SLC15A4: variants seen among roughly 807,000 people sequenced by gnomAD.
SLC15A4 encodes solute carrier family 15 member 4.
Under a neutral mutation model 46.1 loss-of-function variants are expected in SLC15A4, and 26 were observed. That is an observed-to-expected ratio of 0.56 (90% CI 0.41 to 0.78). The LOEUF (loss-of-function observed/expected upper bound fraction) is 0.78. SLC15A4 is among the 30% of genes least tolerant of loss of function. SLC15A4 has a pLI of 0.00. For missense variants in SLC15A4, 751 were observed against 755.7 expected, an observed-to-expected ratio of 0.99 and a Z score of 0.07; for synonymous variants, 370 against 333.4, an observed-to-expected ratio of 1.11 and a Z score of -1.20.
At chr12:128,795,940 C>T (rs1427044223) in intron 7 of SLC15A4, among the ~76,000 whole-genome samples, 5 of 152,220 alleles carry the variant, frequency 3.3e-5, no homozygotes, top group Non-Finnish European at 7.3e-5. Flanking sequence ...ACGAGGGGAG[C>T]GAGTGCTCTG....
At chr12:128,817,590 C>A (rs1490495726) in intron 1 of SLC15A4, among the ~76,000 whole-genome samples, 1 of 152,152 alleles carries the variant, frequency 6.6e-6, no homozygotes, top group Non-Finnish European at 1.5e-5. Flanking sequence ...ACATATCTTC[C>A]CACAGTCTCA....
At position 128,801,925 on chromosome 12, in the gene SLC15A4, A is replaced by G. The variant is rs148128888; in HGVS notation, c.1259-916T>C. 2.8e-4 allele frequency among the ~76,000 whole-genome samples: 43 copies of G among 152,360 alleles called. No individual in the cohort carries two copies. In the East Asian group the frequency reaches 7.3e-3, roughly 26 times the overall value. On this transcript the variant is annotated intron_variant, in intron 5 of 7. Coordinates refer to ENST00000266771, the MANE Select transcript of SLC15A4 (RefSeq NM_145648.4). Reference sequence around the variant, plus strand: ...TCCTTCTAAAACCTGAGCATGAGAAAGGACCAGGATATGATCCATAGGGCG... The same window carrying G: ...TCCTTCTAAAACCTGAGCATGAGAAGGGACCAGGATATGATCCATAGGGCG...
At position 128,794,122 on chromosome 12, in the gene SLC15A4, C is replaced by T. The variant is rs1955417006; in HGVS notation, c.*74G>A. On this transcript the variant is annotated 3_prime_UTR_variant, in exon 8 of 8. Transcript: ENST00000266771. ...CAGACATTTTATGGGAATTTAAAGTCTTGCCTGTTCTCAGTGCACCCCAGT... is the reference window on the plus strand; with the variant it reads ...CAGACATTTTATGGGAATTTAAAGTTTTGCCTGTTCTCAGTGCACCCCAGT... The T allele has an allele frequency of 7.4e-7, 1 of 1,357,066 alleles. No homozygotes were observed. The highest frequency in any genetic ancestry group is 2.3e-5 in the Admixed American group (1 of 43,998). The allele number at this position is 1,357,066 out of a possible 1,614,324, so 84.1% of individuals were successfully genotyped here. A position where few individuals can be genotyped will look rare whatever the true frequency, so the allele number is the denominator to read the frequency against.
chr12:128,817,713 A>G lies in SLC15A4; in HGVS notation c.547-2643T>C, dbSNP rs1418297002. On this transcript the variant is annotated intron_variant, in intron 1 of 7. Coordinates refer to ENST00000266771, the MANE Select transcript of SLC15A4 (RefSeq NM_145648.4). ...ATTTCCTGTGTAATTGTGGTGGTCA[A>G]TTTATTCCAACTCCAAGAGTAATCC... Among the ~76,000 whole-genome samples, 3 of 152,242 alleles carry G rather than the reference A, an allele frequency of 2.0e-5. No homozygotes were observed. The East Asian group carries it at 5.8e-4, about 29-fold the overall frequency.
In SLC15A4 at chr12:128,823,946, G is replaced by A. The variant is rs1333496520; in HGVS notation, c.-3C>T. 2 of 510,412 alleles carry A rather than the reference G, an allele frequency of 3.9e-6. No individual in the cohort carries two copies. Among genetic ancestry groups the A allele is most frequent in the East Asian group, 1.5e-4 (1 of 6,716 alleles). 31.6% of individuals were successfully genotyped at this position (510,412 alleles called of 1,614,324 possible). A position where few individuals can be genotyped will look rare whatever the true frequency, so the allele number is the denominator to read the frequency against. ...GCACCGCCCCCAGAGCCCTCCATGC[G>A]ACGCCGCCAGCTGCCTCGCCCCGCC... is the stretch of plus-strand genomic sequence containing the variant. On this transcript the variant is annotated 5_prime_UTR_variant, in exon 1 of 8. Coordinates refer to ENST00000266771, the MANE Select transcript of SLC15A4 (RefSeq NM_145648.4).
intron 4 of SLC15A4, 108 bp downstream of exon 4, chr12:128,809,288 T>C: frequency 1.4e-6 from 1 of 725,358 alleles, no homozygotes; most frequent in Non-Finnish European, 2.3e-6. Context: ...AACAATGCTT[T>C]TGTGTCGGTG....
intron 2 of SLC15A4, chr12:128,814,271 C>CGCTGTATGATGGACCTGACA: frequency 4.8e-6 from 1 of 209,188 alleles, no homozygotes; most frequent in Non-Finnish European, 9.6e-6. Flanking sequence ...TGGACCTGAC[C>CGCTGTATGATGGACCTGACA]GCCGTATGAT....
chr12:128,806,794 T>A (rs1401633289), intron 5 of SLC15A4, among the ~76,000 whole-genome samples: 1 of 151,984 alleles, frequency 6.6e-6, no homozygotes, highest in African/African-American at 2.4e-5. Flanking sequence ...TCAGAGCGCA[T>A]GCCTCCCCAT....
chr12:128,822,358 T>G (rs1955856570), intron 1 of SLC15A4, among the ~76,000 whole-genome samples: 1 of 152,184 alleles, frequency 6.6e-6, no homozygotes, highest in Admixed American at 6.5e-5. Flanking sequence ...ATGAGTGTTT[T>G]CCCACTTCTT....
rs992003036 is a variant in SLC15A4, at chr12:128,793,988, G to A, written c.*208C>T. 6 of 416,584 alleles carry A rather than the reference G, an allele frequency of 1.4e-5. No individual in the cohort carries two copies. The highest frequency in any genetic ancestry group is 3.5e-5 in the East Asian group (1 of 28,218). 25.8% of individuals were successfully genotyped at this position (416,584 alleles called of 1,614,324 possible). ...ACTCGAAATCTGCAGCTCTCCTCCCGGAGGGCCCAGCGTGCCAGGAGACAC... is the reference window on the plus strand; with the variant it reads ...ACTCGAAATCTGCAGCTCTCCTCCCAGAGGGCCCAGCGTGCCAGGAGACAC... On this transcript the variant is annotated 3_prime_UTR_variant, in exon 8 of 8. Transcript: ENST00000266771.
chr12:128,817,710 T>G (rs4475963), intron 1 of SLC15A4, among the ~76,000 whole-genome samples: 50,156 of 152,084 alleles, frequency 0.33, 8,458 homozygotes, highest in Non-Finnish European at 0.36. Flanking sequence ...ATTGTGGTGG[T>G]CAATTTATTC....
At position 128,808,644 on chromosome 12, in the gene SLC15A4, G is replaced by A; in HGVS notation, c.1258+144C>T. On this transcript the variant is annotated intron_variant, in intron 5 of 7. Transcript: ENST00000266771. Reference sequence around the variant, plus strand: ...TTAAACTTTAAAATAAAGGATTAGTGCTGTAAAATAACTGATACACATCCT... The same window carrying A: ...TTAAACTTTAAAATAAAGGATTAGTACTGTAAAATAACTGATACACATCCT... 9.7e-6 allele frequency: 7 copies of A among 722,134 alleles called. No homozygotes were observed. In the Admixed American group the frequency reaches 1.7e-4, roughly 18 times the overall value. 44.7% of individuals were successfully genotyped at this position (722,134 alleles called of 1,614,324 possible). A position where few individuals can be genotyped will look rare whatever the true frequency, so the allele number is the denominator to read the frequency against.
intron 7 of SLC15A4, among the ~76,000 whole-genome samples, chr12:128,794,837 C>A (rs1461638598): frequency 6.6e-6 from 1 of 152,222 alleles, no homozygotes; most frequent in African/African-American, 2.4e-5. Context: ...TCCCCCCACA[C>A]CAGAACAGCT....
chr12:128,806,432 T>C (rs1332362205), intron 5 of SLC15A4, among the ~76,000 whole-genome samples: 2 of 151,388 alleles, frequency 1.3e-5, no homozygotes, highest in Admixed American at 6.6e-5. Context: ...TTATTATGGG[T>C]GTAGGTGGTA....
chr12:128,794,121 T>A lies in SLC15A4; in HGVS notation c.*75A>T. 7.5e-7 allele frequency: 1 copy of A among 1,340,636 alleles called. No homozygotes were observed. Among genetic ancestry groups the A allele is most frequent in the Non-Finnish European group, 1.0e-6 (1 of 975,562 alleles). 83.0% of individuals were successfully genotyped at this position (1,340,636 alleles called of 1,614,324 possible). A position where few individuals can be genotyped will look rare whatever the true frequency, so the allele number is the denominator to read the frequency against. ...TCAGACATTTTATGGGAATTTAAAG[T>A]CTTGCCTGTTCTCAGTGCACCCCAG... On this transcript the variant is annotated 3_prime_UTR_variant, in exon 8 of 8. Coordinates refer to ENST00000266771, the MANE Select transcript of SLC15A4 (RefSeq NM_145648.4).
chr12:128,816,629 G>A (rs753436264), intron 1 of SLC15A4, among the ~76,000 whole-genome samples: 2 of 152,170 alleles, frequency 1.3e-5, no homozygotes, highest in Non-Finnish European at 2.9e-5. Context: ...CTAGGAGTTT[G>A]AGAGCAGCCT....
chr12:128,805,138 T>C (rs1170159462), intron 5 of SLC15A4, among the ~76,000 whole-genome samples: 2 of 152,282 alleles, frequency 1.3e-5, no homozygotes, highest in East Asian at 3.9e-4. Context: ...GATGCAATTA[T>C]CCTTGGATAC....
At chr12:128,810,704 C>A (rs1162027056) in intron 2 of SLC15A4, among the ~76,000 whole-genome samples, 2 of 152,188 alleles carry the variant, frequency 1.3e-5, no homozygotes, top group South Asian at 4.2e-4. Context: ...GAGGGCGGTG[C>A]TGGTGGTGAT....
chr12:128,793,448 C>CTA lies in SLC15A4; in HGVS notation c.*746_*747dup. 1 of 152,136 alleles carries CTA rather than the reference C, an allele frequency of 6.6e-6. No individual in the cohort carries two copies. Among genetic ancestry groups the CTA allele is most frequent in the South Asian group, 2.1e-4 (1 of 4,826 alleles). 9.4% of individuals were successfully genotyped at this position (152,136 alleles called of 1,614,324 possible). On this transcript the variant is annotated 3_prime_UTR_variant, in exon 8 of 8. Coordinates refer to ENST00000266771, the MANE Select transcript of SLC15A4 (RefSeq NM_145648.4). ...TAGTCTCAATCGTACCAAAATAAAG[C>CTA]TATATATAAGCACTCTGACTAGGTA...
Sources: gnomAD v4.1 joint callset for allele counts (sites outside exome capture counted in the v4.1 genomes callset) on GRCh38, gnomAD v4.1.1 for gene constraint, MANE v1.5 for transcripts, NCBI Gene and HGNC (gene_info 2026-07-23, HGNC 2026-07-21) for gene names.